Variants in OPCML observed in about 807,000 individuals in gnomAD.
The protein encoded by OPCML is opioid binding protein/cell adhesion molecule like.
OPCML carries 13 observed loss-of-function variants against 37.8 expected under a neutral mutation model. The observed-to-expected ratio is 0.34, with a 90% CI of 0.22 to 0.55. The LOEUF is 0.55. OPCML is among the 20% of genes least tolerant of loss of function. The pLI is 0.91. For missense variants in OPCML, 341 were observed against 435.6 expected (o/e 0.78, Z 1.93); for synonymous variants, 176 against 168.8 (o/e 1.04, Z -0.33).
At chr11:133,348,197 T>C (rs1308609253) in intron 1 of OPCML, among the ~76,000 whole-genome samples, 6 of 152,188 alleles carry the variant, frequency 3.9e-5, no homozygotes, top group Admixed American at 3.9e-4. Flanking sequence ...ATTCACTAAA[T>C]GTTCCATGAT....
chr11:132,652,550 C>A (rs1056993625), intron 3 of OPCML, among the ~76,000 whole-genome samples: 2 of 152,188 alleles, frequency 1.3e-5, no homozygotes, highest in African/African-American at 4.8e-5. Flanking sequence ...GGGACTCAGC[C>A]AGGCTCTTAA....
At chr11:133,381,655 A>C (rs1336994027) in intron 1 of OPCML, among the ~76,000 whole-genome samples, 1 of 152,202 alleles carries the variant, frequency 6.6e-6, no homozygotes, top group Admixed American at 6.5e-5. Flanking sequence ...TCTGATGTAG[A>C]GACAGAAGGA....
chr11:132,865,850 G>A (rs772757454), intron 2 of OPCML, among the ~76,000 whole-genome samples: 1 of 152,144 alleles, frequency 6.6e-6, no homozygotes, highest in Non-Finnish European at 1.5e-5. Flanking sequence ...CAGGTCATCT[G>A]GCCCCTGAGA....
intron 1 of OPCML, among the ~76,000 whole-genome samples, chr11:133,346,656 TA>T (rs1467778072): frequency 6.6e-6 from 1 of 152,176 alleles, no homozygotes; most frequent in Non-Finnish European, 1.5e-5. Flanking sequence ...AAGTAAGCTT[TA>T]AAGAAAATTC....
intron 1 of OPCML, among the ~76,000 whole-genome samples, chr11:133,454,740 G>C (rs61912404): frequency 1.3e-5 from 2 of 152,126 alleles, no homozygotes; most frequent in African/African-American, 4.8e-5. Context: ...GCTATATCAC[G>C]ATGTCTTTGG....
chr11:133,215,739 C>T (rs771787960), intron 1 of OPCML, among the ~76,000 whole-genome samples: 14 of 152,102 alleles, frequency 9.2e-5, no homozygotes, highest in Non-Finnish European at 1.0e-4. Context: ...GGAGGCTGTA[C>T]AAGTGTGGGA....
chr11:133,052,818 G>C (rs913616041), intron 1 of OPCML, among the ~76,000 whole-genome samples: 1 of 152,230 alleles, frequency 6.6e-6, no homozygotes, highest in Non-Finnish European at 1.5e-5. Context: ...TGGGGAACCT[G>C]CCAAGACTGA....
chr11:133,343,257 C>T (rs934598480), intron 1 of OPCML, among the ~76,000 whole-genome samples: 8 of 152,180 alleles, frequency 5.3e-5, no homozygotes, highest in Admixed American at 4.6e-4. Flanking sequence ...CCCCTAATCA[C>T]TCCGTGACTC....
chr11:133,273,311 G>A (rs185628276), intron 1 of OPCML, among the ~76,000 whole-genome samples: 28 of 152,186 alleles, frequency 1.8e-4, no homozygotes, highest in Non-Finnish European at 3.2e-4. Flanking sequence ...CTGCAAAAGC[G>A]ACCCCTGTGA....
At chr11:133,025,406 A>C in intron 1 of OPCML, 8 of 985,330 alleles carry the variant, frequency 8.1e-6, no homozygotes, top group Non-Finnish European at 9.6e-6. Context: ...GAGTATTCCC[A>C]AAATGTGTGT....
chr11:133,432,286 A>G (rs968028903), intron 1 of OPCML, among the ~76,000 whole-genome samples: 8 of 152,230 alleles, frequency 5.3e-5, no homozygotes, highest in Admixed American at 3.3e-4. Flanking sequence ...TTTACTCTTA[A>G]GGTCATTCTA....
At chr11:132,516,116 T>C (rs1459623441) in intron 4 of OPCML, among the ~76,000 whole-genome samples, 1 of 152,166 alleles carries the variant, frequency 6.6e-6, no homozygotes, top group African/African-American at 2.4e-5. Flanking sequence ...AGATCACAGA[T>C]CACCGTGTCT....
At chr11:132,633,412 G>T (rs1940278657) in intron 3 of OPCML, among the ~76,000 whole-genome samples, 1 of 152,122 alleles carries the variant, frequency 6.6e-6, no homozygotes, top group Non-Finnish European at 1.5e-5. Flanking sequence ...GGAGAAAATA[G>T]ATGGAAATAA....
At chr11:133,119,779 A>C (rs1949393069) in intron 1 of OPCML, among the ~76,000 whole-genome samples, 1 of 152,208 alleles carries the variant, frequency 6.6e-6, no homozygotes, top group South Asian at 2.1e-4. Context: ...GCAGAGGCTC[A>C]CGTGAAGTCA....
intron 1 of OPCML, among the ~76,000 whole-genome samples, chr11:133,022,660 AG>A (rs1464581688): frequency 6.6e-6 from 1 of 152,102 alleles, no homozygotes; most frequent in Non-Finnish European, 1.5e-5. Flanking sequence ...TATTCATCAT[AG>A]GGGGTTCAAA....
chr11:132,628,776 C>T (rs929402427), intron 3 of OPCML, among the ~76,000 whole-genome samples: 4 of 152,150 alleles, frequency 2.6e-5, no homozygotes, highest in Non-Finnish European at 4.4e-5. Flanking sequence ...CAGTTACCCT[C>T]ATGCTGTTCT....
chr11:132,570,250 A>G (rs544242896), intron 3 of OPCML, among the ~76,000 whole-genome samples: 128 of 152,318 alleles, frequency 8.4e-4, no homozygotes, highest in Non-Finnish European at 1.6e-3. Context: ...TTTCAACAGC[A>G]GAGTTGAATA....
At chr11:132,934,373 G>A in intron 2 of OPCML, among the ~76,000 whole-genome samples, 1 of 152,176 alleles carries the variant, frequency 6.6e-6, no homozygotes, top group East Asian at 1.9e-4. Context: ...CTGTAAGGCA[G>A]GTAGGAACCG....
chr11:132,620,415 C>T (rs1183972931), intron 3 of OPCML, among the ~76,000 whole-genome samples: 1 of 152,218 alleles, frequency 6.6e-6, no homozygotes, highest in African/African-American at 2.4e-5. Flanking sequence ...TTTCTCCAAA[C>T]TATCTTACTG....
Sources: gnomAD v4.1 joint callset for allele counts (sites outside exome capture counted in the v4.1 genomes callset) on GRCh38, gnomAD v4.1.1 for gene constraint, MANE v1.5 for transcripts, NCBI Gene and HGNC (gene_info 2026-07-23, HGNC 2026-07-21) for gene names.